CXADR: variants seen among roughly 807,000 people sequenced by gnomAD.
CXADR encodes coxsackievirus and adenovirus receptor.
In CXADR, 20 loss-of-function variants were observed where a neutral mutation model predicts 40.3. The ratio of observed to expected loss-of-function variants is 0.50; its 90% CI spans 0.35 to 0.72. The LOEUF is 0.72. Among genes scored for constraint, CXADR ranks in the 30% least tolerant of loss-of-function variants. The pLI, the probability that CXADR is intolerant of heterozygous loss-of-function variation, is 0.01. For missense variants in CXADR, 332 were observed against 449.1 expected (o/e 0.74, Z 2.36); for synonymous variants, 150 against 161.3 (o/e 0.93, Z 0.53).
intron 7 of CXADR, among the ~76,000 whole-genome samples, chr21:17,583,754 G>C (rs1220328263): frequency 6.6e-6 from 1 of 152,196 alleles, no homozygotes; most frequent in Non-Finnish European, 1.5e-5. Flanking sequence ...ATCTTAAAGA[G>C]ATTTTTAAAA....
the CXADR span, chr21:17,608,940 C>T: frequency 1.3e-6 from 2 of 1,590,558 alleles, no homozygotes; most frequent in African/African-American, 2.7e-5. Flanking sequence ...AGGGGTTGAT[C>T]AGCCTCTGCT....
chr21:17,581,464 C>T (rs1292800875), intron 7 of CXADR, among the ~76,000 whole-genome samples: 1 of 152,196 alleles, frequency 6.6e-6, no homozygotes, highest in Admixed American at 6.5e-5. Flanking sequence ...CTTGATCTTT[C>T]CTGACCTCAG....
At chr21:17,574,188 TC>T (rs749661106), downstream of CXADR, among the ~76,000 whole-genome samples, 3 of 152,176 alleles carry the variant, frequency 2.0e-5, no homozygotes, top group Non-Finnish European at 4.4e-5. Flanking sequence ...TGTCCCCACT[TC>T]CCCTTCAAAA....
At chr21:17,523,927 C>T (rs1446645344) in intron 1 of CXADR, among the ~76,000 whole-genome samples, 2 of 151,924 alleles carry the variant, frequency 1.3e-5, no homozygotes, top group Non-Finnish European at 2.9e-5. Flanking sequence ...GGCGCGATCT[C>T]GGTTCACTGC....
chr21:17,601,485 C>T, the CXADR span, among the ~76,000 whole-genome samples: 831 of 152,250 alleles, frequency 5.5e-3, 3 homozygotes, highest in Non-Finnish European at 9.7e-3. Context: ...GATCATGCCA[C>T]CGCATTCCAG....
At chr21:17,529,866 C>T (rs1055845889) in intron 1 of CXADR, among the ~76,000 whole-genome samples, 2 of 152,130 alleles carry the variant, frequency 1.3e-5, no homozygotes, top group South Asian at 4.2e-4. Context: ...CAACCTGATC[C>T]GGAAATAGAA....
chr21:17,555,932 C>T (rs1457567317), intron 3 of CXADR, among the ~76,000 whole-genome samples: 1 of 152,140 alleles, frequency 6.6e-6, no homozygotes, highest in Non-Finnish European at 1.5e-5. Context: ...TCCCCTGTCT[C>T]ATGTAGGGAT....
At position 17,587,812 on chromosome 21, in the gene CXADR, A is replaced by G. The variant is rs1433137033; in HGVS notation, c.1018-5340A>G. On this transcript the variant is annotated intron_variant, in intron 7 of 7. Coordinates refer to the CXADR transcript ENST00000400169. Reference sequence around the variant, plus strand: ...TGTTTTAGACATGAAGTCCTTGCCCATGCCTATGTCCTGAATGGTATTGCC... The same window carrying G: ...TGTTTTAGACATGAAGTCCTTGCCCGTGCCTATGTCCTGAATGGTATTGCC... Among the ~76,000 whole-genome samples the G allele has an allele frequency of 5.3e-5, 8 of 152,268 alleles. No homozygotes were observed. In the South Asian group the frequency reaches 1.2e-3, roughly 24 times the overall value.
At chr21:17,593,113 A>G (rs142407596) in intron 7 of CXADR, 1 of 1,317,988 alleles carries the variant, frequency 7.6e-7, no homozygotes. Context: ...GAGAAAAATC[A>G]AAACTCTTAT....
chr21:17,549,981 G>A (rs1214295461), intron 2 of CXADR, among the ~76,000 whole-genome samples: 1 of 152,296 alleles, frequency 6.6e-6, no homozygotes, highest in Admixed American at 6.5e-5. Context: ...GAGTAAGTCA[G>A]CTGTGGACCC....
chr21:17,630,318 C>T, the CXADR span, among the ~76,000 whole-genome samples: 1 of 152,142 alleles, frequency 6.6e-6, no homozygotes, highest in Non-Finnish European at 1.5e-5. Flanking sequence ...AAGATTGTGT[C>T]ACACTTGCGT....
chr21:17,575,135 A>ATCATTCTG (rs1271165307), intron 7 of CXADR, among the ~76,000 whole-genome samples: 1 of 151,662 alleles, frequency 6.6e-6, no homozygotes, highest in Admixed American at 6.6e-5. Context: ...GTCTCATTCT[A>ATCATTCTG]TCTGCTGCTG....
At chr21:17,584,532 T>A (rs2061381479) in intron 7 of CXADR, among the ~76,000 whole-genome samples, 1 of 152,156 alleles carries the variant, frequency 6.6e-6, no homozygotes, top group Non-Finnish European at 1.5e-5. Context: ...CTGAAAGTTT[T>A]AAAAAGTCCT....
chr21:17,557,494 G>A (rs1012560716), intron 3 of CXADR, among the ~76,000 whole-genome samples: 4 of 152,096 alleles, frequency 2.6e-5, no homozygotes, highest in East Asian at 1.9e-4. Context: ...TCGTAATGCC[G>A]TCCTCACTAG....
At chr21:17,632,701 A>G in the CXADR span, among the ~76,000 whole-genome samples, 2 of 151,776 alleles carry the variant, frequency 1.3e-5, no homozygotes, top group African/African-American at 4.8e-5. Context: ...CCCCATCTCT[A>G]CTAAAAATAC....
downstream of CXADR, chr21:17,594,075 A>G (rs762968907): frequency 2.5e-6 from 4 of 1,610,152 alleles, no homozygotes; most frequent in African/African-American, 5.3e-5. Flanking sequence ...CATGACACCA[A>G]CACAATCAAA....
intron 6 of CXADR, 136 bp downstream of exon 6, chr21:17,561,612 A>G: frequency 4.6e-6 from 3 of 656,760 alleles, no homozygotes; most frequent in Middle Eastern, 2.7e-4. Context: ...TTCTCAATAC[A>G]TTTGAAAGCA....
chr21:17,550,801 T>C (rs1488599219), intron 2 of CXADR, among the ~76,000 whole-genome samples: 1 of 152,248 alleles, frequency 6.6e-6, no homozygotes, highest in African/African-American at 2.4e-5. Context: ...AAAGGCTATG[T>C]GTGGTTCAGA....
At chr21:17,585,739 C>T (rs1355467958) in intron 7 of CXADR, among the ~76,000 whole-genome samples, 9 of 152,098 alleles carry the variant, frequency 5.9e-5, no homozygotes, top group African/African-American at 1.4e-4. Flanking sequence ...AGGATAGTCT[C>T]GATCTTTTGA....
Sources: gnomAD v4.1 joint callset for allele counts (sites outside exome capture counted in the v4.1 genomes callset) on GRCh38, gnomAD v4.1.1 for gene constraint, MANE v1.5 for transcripts, NCBI Gene and HGNC (gene_info 2026-07-23, HGNC 2026-07-21) for gene names.